Variants in ABR observed in about 807,000 individuals in gnomAD.
ABR encodes active breakpoint cluster region-related protein.
ABR carries 35 observed loss-of-function variants against 107.2 expected under a neutral mutation model. The observed-to-expected ratio is 0.33, with a 90% CI of 0.25 to 0.43. ABR has a LOEUF of 0.43. Ranked by LOEUF, ABR falls within the 20% of genes least tolerant of loss-of-function variation. The pLI is 1.00. For synonymous variants in ABR, 498 were observed against 462.0 expected (o/e 1.08, Z -1.00); for missense variants, 815 against 1,115.2 (o/e 0.73, Z 3.83).
intron 1 of ABR, among the ~76,000 whole-genome samples, chr17:1,144,279 A>G (rs1324764520): frequency 6.6e-6 from 1 of 152,186 alleles, no homozygotes; most frequent in Admixed American, 6.5e-5. Context: ...CGCAAGCAAC[A>G]GCCACTCAAC....
intron 7 of ABR, among the ~76,000 whole-genome samples, chr17:1,073,129 G>A (rs9894109): frequency 0.67 from 97,353 of 145,076 alleles, 32,464 homozygotes; most frequent in East Asian, 0.73. Flanking sequence ...GCAGTGAGCC[G>A]AGATCGCACC....
rs527485755 is a variant in ABR, at chr17:1,021,740, G to A, written c.1792-8576C>T. Among the ~76,000 whole-genome samples, 30 of 151,876 alleles carry A rather than the reference G, an allele frequency of 2.0e-4. 1 individual carries two copies. In the South Asian group the frequency reaches 4.4e-3, roughly 22 times the overall value. Reference sequence around the variant, plus strand: ...AATCGCTTGAACCCGGGAGGCGGAGGTTGCAGTGAGCCGGAGTTGAGATTG... The same window carrying A: ...AATCGCTTGAACCCGGGAGGCGGAGATTGCAGTGAGCCGGAGTTGAGATTG... On this transcript the variant is annotated intron_variant, in intron 16 of 22. Coordinates refer to ENST00000302538, the MANE Select transcript of ABR (RefSeq NM_021962.5).
At chr17:1,057,687 CTG>C (rs1051402007) in intron 12 of ABR, among the ~76,000 whole-genome samples, 1 of 119,218 alleles carries the variant, frequency 8.4e-6, no homozygotes, top group Non-Finnish European at 1.8e-5. Context: ...GTGTGTGTCT[CTG>C]TGTGTGTGTG....
chr17:1,061,490 G>A (rs2440755), intron 10 of ABR, among the ~76,000 whole-genome samples: 140,356 of 152,206 alleles, frequency 0.92, 64,786 homozygotes, highest in East Asian at 0.97. Flanking sequence ...GAGTTGAAAG[G>A]ATCCTCAGAG....
At chr17:1,072,082 T>C (rs549603500) in intron 8 of ABR, among the ~76,000 whole-genome samples, 132 of 152,256 alleles carry the variant, frequency 8.7e-4, no homozygotes, top group African/African-American at 3.0e-3. Context: ...TTTTGTATTT[T>C]TAGTAAAGAC....
At chr17:1,134,156 TA>T (rs2039959557) in intron 1 of ABR, among the ~76,000 whole-genome samples, 2 of 152,168 alleles carry the variant, frequency 1.3e-5, no homozygotes, top group African/African-American at 4.8e-5. Flanking sequence ...CTCACGCCTG[TA>T]ATCCCAGCAC....
intron 1 of ABR, among the ~76,000 whole-genome samples, chr17:1,214,957 C>T (rs117920725): frequency 1.3e-5 from 2 of 151,776 alleles, no homozygotes; most frequent in South Asian, 2.1e-4. Context: ...GGGTGGCTCA[C>T]GCCTATAGTC....
rs192061171 is a variant in ABR, at chr17:1,175,334, C to T, written c.61+4333G>A. Among the ~76,000 whole-genome samples, 635 of 152,230 alleles carry T rather than the reference C, an allele frequency of 4.2e-3. 5 individuals carry two copies. Among genetic ancestry groups the T allele is most frequent in the African/African-American group, 0.014 (595 of 41,538 alleles). Reference sequence around the variant, plus strand: ...GGCTGAGGCAGGAGAATCGCTTGAACCGGGGAGGCGGAGGTTGCAGTGAGC... The same window carrying T: ...GGCTGAGGCAGGAGAATCGCTTGAATCGGGGAGGCGGAGGTTGCAGTGAGC... On this transcript the variant is annotated intron_variant, in intron 1 of 22. Coordinates refer to ENST00000302538, the MANE Select transcript of ABR (RefSeq NM_021962.5).
chr17:1,149,770 C>T (rs1041625804), intron 1 of ABR, among the ~76,000 whole-genome samples: 12 of 152,230 alleles, frequency 7.9e-5, no homozygotes, highest in Non-Finnish European at 1.2e-4. Flanking sequence ...GAGCTCAGCT[C>T]GGCCATAGGT....
chr17:1,023,697 T>C (rs1292729092), intron 16 of ABR, among the ~76,000 whole-genome samples: 1 of 152,146 alleles, frequency 6.6e-6, no homozygotes, highest in African/African-American at 2.4e-5. Context: ...CTCCATGGGC[T>C]CTGAAGCCTC....
intron 10 of ABR, among the ~76,000 whole-genome samples, chr17:1,060,640 A>G (rs905984488): frequency 3.9e-5 from 6 of 152,170 alleles, no homozygotes; most frequent in Admixed American, 2.6e-4. Flanking sequence ...ATTTCTCATT[A>G]AAACCAGCCA....
intron 9 of ABR, 26 bp downstream of exon 9, chr17:1,069,943 C>A: frequency 1.3e-6 from 2 of 1,594,898 alleles, no homozygotes; most frequent in South Asian, 2.2e-5. Flanking sequence ...CTCCCCCGCC[C>A]CGTGCCCCTG....
chr17:1,101,846 G>A (rs1363152786), intron 2 of ABR, among the ~76,000 whole-genome samples: 1 of 151,326 alleles, frequency 6.6e-6, no homozygotes, highest in Admixed American at 6.6e-5. Context: ...CCATTCTCCT[G>A]CCTCAGCCTC....
chr17:1,077,449 C>G (rs929648516), intron 6 of ABR, among the ~76,000 whole-genome samples: 2 of 152,202 alleles, frequency 1.3e-5, no homozygotes, highest in African/African-American at 4.8e-5. Context: ...CTGACCAACT[C>G]CTAGGCCAGA....
intron 1 of ABR, among the ~76,000 whole-genome samples, chr17:1,149,842 C>T (rs1041443555): frequency 3.9e-5 from 6 of 152,220 alleles, no homozygotes; most frequent in African/African-American, 1.2e-4. Context: ...AATTCCACTC[C>T]CAGTTTTAGC....
intron 16 of ABR, among the ~76,000 whole-genome samples, chr17:1,017,180 C>T (rs1303709463): frequency 3.3e-5 from 5 of 152,208 alleles, no homozygotes; most frequent in South Asian, 2.1e-4. Context: ...ATCACCAGCC[C>T]GGCTGGAGGC....
rs2043233906 is a variant in ABR at position 1,226,962 on chromosome 17, C to T, written c.838+1831G>A. 1.3e-5 allele frequency among the ~76,000 whole-genome samples: 2 copies of T among 152,152 alleles called. 1 individual carries two copies. Among genetic ancestry groups the T allele is most frequent in the South Asian group, 4.1e-4 (2 of 4,834 alleles). ...TTTGGAGACAGAGGCAGAACCCGAACATGTAGCTGTGCAGTGTGCCACAGG... is the reference window on the plus strand; with the variant it reads ...TTTGGAGACAGAGGCAGAACCCGAATATGTAGCTGTGCAGTGTGCCACAGG... On this transcript the variant is annotated intron_variant, in intron 1 of 22. Coordinates refer to the ABR transcript ENST00000574139.
At chr17:1,025,290 T>C (rs2072104611) in intron 16 of ABR, among the ~76,000 whole-genome samples, 1 of 152,022 alleles carries the variant, frequency 6.6e-6, no homozygotes, top group South Asian at 2.1e-4. Context: ...AGCAAGACTC[T>C]GTCTCAAAAC....
chr17:1,106,563 C>G (rs143845533), intron 2 of ABR, among the ~76,000 whole-genome samples: 1 of 145,552 alleles, frequency 6.9e-6, no homozygotes, highest in Admixed American at 6.9e-5. Flanking sequence ...TGAGTCTCAC[C>G]CTGTCGCCCA....
Sources: allele counts gnomAD v4.1 joint callset (sites outside exome capture counted in the v4.1 genomes callset), GRCh38; gene constraint gnomAD v4.1.1; transcripts MANE v1.5; gene names NCBI Gene and HGNC (gene_info 2026-07-23, HGNC 2026-07-21).